Variants in CYP19A1 observed in about 807,000 individuals in gnomAD.
CYP19A1 encodes aromatase.
CYP19A1 carries 32 observed loss-of-function variants against 44.4 expected under a neutral mutation model. That is an observed-to-expected ratio of 0.72 (90% CI 0.54 to 0.97). CYP19A1 has a LOEUF of 0.97. Ranked by LOEUF, CYP19A1 falls within the 50% of genes least tolerant of loss-of-function variation. CYP19A1 has a pLI of 0.00. For missense variants in CYP19A1, 598 were observed against 637.8 expected, an observed-to-expected ratio of 0.94 and a Z score of 0.67; for synonymous variants, 212 against 215.6, an observed-to-expected ratio of 0.98 and a Z score of 0.14.
intron 3 of CYP19A1, among the ~76,000 whole-genome samples, chr15:51,230,211 A>G (rs1040854210): frequency 6.6e-6 from 1 of 152,248 alleles, no homozygotes; most frequent in African/African-American, 2.4e-5. Context: ...GTGATGAACT[A>G]AGGACCCCAG....
intron 8 of CYP19A1, 33 bp downstream of exon 8, chr15:51,215,037 T>C: frequency 6.3e-7 from 1 of 1,588,566 alleles, no homozygotes. Context: ...GAAATTGTTT[T>C]TAAGATGTAT....
chr15:51,288,237 A>C (rs972263964), intron 1 of CYP19A1, among the ~76,000 whole-genome samples: 2 of 152,032 alleles, frequency 1.3e-5, no homozygotes, highest in Non-Finnish European at 2.9e-5. Context: ...TCAGGTCCTG[A>C]CAGCTGAGTT....
At position 51,243,912 on chromosome 15, in the gene CYP19A1, A is replaced by G. The variant is rs542799422; in HGVS notation, c.-38-962T>C. Among the ~76,000 whole-genome samples the G allele has an allele frequency of 2.0e-5, 3 of 152,372 alleles. No homozygotes were observed. The South Asian group carries it at 6.2e-4, about 32-fold the overall frequency. ...GTTTCAGGGATGGTAGGTAGTCTGT[A>G]GCTGAAGAGGTGTAGGTTGAACAAA... On this transcript the variant is annotated intron_variant, in intron 1 of 9. Coordinates refer to ENST00000396402, the MANE Select transcript of CYP19A1 (RefSeq NM_000103.4).
At chr15:51,258,537 A>G (rs1374334653) in intron 1 of CYP19A1, among the ~76,000 whole-genome samples, 1 of 152,188 alleles carries the variant, frequency 6.6e-6, no homozygotes, top group Non-Finnish European at 1.5e-5. Context: ...CCTACTAGCC[A>G]ATGCTGCACA....
At chr15:51,211,945 TC>T (rs28757198) in intron 9 of CYP19A1, among the ~76,000 whole-genome samples, 15,365 of 152,222 alleles carry the variant, frequency 0.1, 1,428 homozygotes, top group African/African-American at 0.23. Flanking sequence ...TAGTGGACTT[TC>T]CTTTGCTCAG....
intron 1 of CYP19A1, among the ~76,000 whole-genome samples, chr15:51,308,278 C>T (rs924891239): frequency 6.6e-6 from 1 of 152,172 alleles, no homozygotes; most frequent in Non-Finnish European, 1.5e-5. Context: ...AGGAATGACT[C>T]TTCTCCCTTG....
intron 1 of CYP19A1, among the ~76,000 whole-genome samples, chr15:51,263,408 C>T (rs985984265): frequency 6.6e-6 from 1 of 152,108 alleles, no homozygotes; most frequent in Non-Finnish European, 1.5e-5. Flanking sequence ...GAGGCAGTGC[C>T]TATGCATAAT....
chr15:51,225,093 T>C (rs555882461), intron 4 of CYP19A1, among the ~76,000 whole-genome samples: 3 of 152,336 alleles, frequency 2.0e-5, no homozygotes, highest in African/African-American at 7.2e-5. Flanking sequence ...CCGCCAGCAT[T>C]ACCATCACCT....
intron 1 of CYP19A1, among the ~76,000 whole-genome samples, chr15:51,268,997 C>T (rs2035028536): frequency 6.6e-6 from 1 of 151,998 alleles, no homozygotes; most frequent in Non-Finnish European, 1.5e-5. Context: ...CTGTGCTCTG[C>T]TTTATTTTCT....
Position 51,208,339 on chromosome 15 carries a change from G to A in CYP19A1, c.*2469C>T, listed in dbSNP as rs2030584562. On this transcript the variant is annotated 3_prime_UTR_variant, in exon 10 of 10. Coordinates refer to ENST00000396402, the MANE Select transcript of CYP19A1 (RefSeq NM_000103.4). ...GGGATCTCAATGAAGGCATGGGGGT[G>A]TCTAGCATGCCCAAAGATATAGAAG... The A allele has an allele frequency of 6.6e-6, 1 of 152,122 alleles. No homozygotes were observed. The highest frequency in any genetic ancestry group is 1.5e-5 in the Non-Finnish European group (1 of 68,006). 9.4% of individuals were successfully genotyped at this position (152,122 alleles called of 1,614,324 possible). A position where few individuals can be genotyped will look rare whatever the true frequency, so the allele number is the denominator to read the frequency against.
intron 1 of CYP19A1, among the ~76,000 whole-genome samples, chr15:51,322,672 C>T (rs2036546492): frequency 6.6e-6 from 1 of 152,118 alleles, no homozygotes; most frequent in Admixed American, 6.5e-5. Context: ...CTTGCATCAC[C>T]CCCACCCCCG....
At chr15:51,282,641 C>T (rs1242589109) in intron 1 of CYP19A1, among the ~76,000 whole-genome samples, 3 of 152,204 alleles carry the variant, frequency 2.0e-5, no homozygotes, top group East Asian at 3.9e-4. Context: ...TTGACTCTGC[C>T]AGACTTCGTT....
chr15:51,267,567 G>A (rs1036807670), intron 1 of CYP19A1, among the ~76,000 whole-genome samples: 1 of 152,200 alleles, frequency 6.6e-6, no homozygotes, highest in African/African-American at 2.4e-5. Flanking sequence ...TGCCCAGGGC[G>A]GAGGGCAGCG....
chr15:51,329,191 C>A (rs944669510), intron 1 of CYP19A1, among the ~76,000 whole-genome samples: 4 of 152,210 alleles, frequency 2.6e-5, no homozygotes, highest in Non-Finnish European at 4.4e-5. Context: ...GGCCTGCCTC[C>A]TCCCTTCTCG....
At chr15:51,305,436 A>G (rs2036197085) in intron 1 of CYP19A1, among the ~76,000 whole-genome samples, 1 of 152,220 alleles carries the variant, frequency 6.6e-6, no homozygotes, top group Non-Finnish European at 1.5e-5. Context: ...AAGATGCCAC[A>G]GAGACAGGGA....
intron 1 of CYP19A1, among the ~76,000 whole-genome samples, chr15:51,324,435 A>G (rs949054657): frequency 3.9e-5 from 6 of 152,196 alleles, no homozygotes; most frequent in African/African-American, 1.4e-4. Flanking sequence ...GGCTACCAGA[A>G]CATTGTAAAG....
chr15:51,311,947 T>G (rs762186311), intron 1 of CYP19A1, among the ~76,000 whole-genome samples: 1 of 152,198 alleles, frequency 6.6e-6, no homozygotes, highest in East Asian at 1.9e-4. Flanking sequence ...TGAACTCTTA[T>G]GTGAAATTTT....
intron 1 of CYP19A1, among the ~76,000 whole-genome samples, chr15:51,278,497 A>G (rs1595750235): frequency 1.3e-5 from 2 of 152,232 alleles, no homozygotes; most frequent in African/African-American, 2.4e-5. Context: ...CTGTCCCAGG[A>G]AAACTTGAAT....
intron 6 of CYP19A1, chr15:51,216,026 G>A (rs137918346): frequency 5.5e-5 from 55 of 1,000,894 alleles, no homozygotes; most frequent in Middle Eastern, 3.4e-4. Flanking sequence ...AGTTAGCTAA[G>A]ATTTCTGGAT....
Sources: gnomAD v4.1 joint callset for allele counts (sites outside exome capture counted in the v4.1 genomes callset) on GRCh38, gnomAD v4.1.1 for gene constraint, MANE v1.5 for transcripts, NCBI Gene and HGNC (gene_info 2026-07-23, HGNC 2026-07-21) for gene names.